CYB5R4: variants seen among roughly 807,000 people sequenced by gnomAD.
CYB5R4 encodes the protein cytochrome b5 reductase 4.
In CYB5R4, 55 loss-of-function variants were observed where a neutral mutation model predicts 70.2. That is an observed-to-expected ratio of 0.78 (90% CI 0.63 to 0.98). CYB5R4 has a LOEUF of 0.98. Among genes scored for constraint, CYB5R4 ranks in the 50% least tolerant of loss-of-function variants. The pLI is 0.00. For synonymous variants in CYB5R4, 197 were observed against 199.5 expected, an observed-to-expected ratio of 0.99 and a Z score of 0.11; for missense variants, 562 against 612.6, an observed-to-expected ratio of 0.92 and a Z score of 0.87.
chr6:83,891,924 C>A (rs1009744000), intron 2 of CYB5R4, among the ~76,000 whole-genome samples: 1 of 152,122 alleles, frequency 6.6e-6, no homozygotes, highest in Non-Finnish European at 1.5e-5. Context: ...ATTTCTTGTT[C>A]TTGAGAAACT....
At chr6:83,874,972 A>G (rs111825725) in intron 2 of CYB5R4, among the ~76,000 whole-genome samples, 3,672 of 151,750 alleles carry the variant, frequency 0.024, 144 homozygotes, top group African/African-American at 0.083. Flanking sequence ...ACAGGTGTGC[A>G]CCACCAAGCC....
At chr6:83,918,852 G>A (rs2099465912) in intron 6 of CYB5R4, among the ~76,000 whole-genome samples, 1 of 151,774 alleles carries the variant, frequency 6.6e-6, no homozygotes. Flanking sequence ...TTTAAGTTAG[G>A]GACTAAGGAT....
intron 4 of CYB5R4, among the ~76,000 whole-genome samples, chr6:83,912,056 CAAAA>C (rs34601186): frequency 1.5e-5 from 1 of 64,674 alleles, no homozygotes; most frequent in Non-Finnish European, 3.3e-5. Context: ...GGCCTTGTCT[CAAAA>C]AAAAAAAAAA....
intron 14 of CYB5R4, among the ~76,000 whole-genome samples, chr6:83,953,112 C>T (rs974363231): frequency 1.3e-5 from 2 of 152,024 alleles, no homozygotes; most frequent in Non-Finnish European, 1.5e-5. Flanking sequence ...ATGTGTTCCC[C>T]GGAATGGACT....
rs188422286 is a variant in CYB5R4, at chr6:83,944,200, C to G, written c.1346+3599C>G. On this transcript the variant is annotated intron_variant, in intron 14 of 15. Transcript: ENST00000369681. Reference sequence around the variant, plus strand: ...CAGCCAGAGAGGAAGGTCAGGTTACCCACAAAGGGAAGCCCATCAGACTAA... The same window carrying G: ...CAGCCAGAGAGGAAGGTCAGGTTACGCACAAAGGGAAGCCCATCAGACTAA... 8.3e-3 allele frequency among the ~76,000 whole-genome samples: 1,163 copies of G among 140,190 alleles called. 16 individuals carry two copies. The highest frequency in any genetic ancestry group is 0.035 in the African/African-American group (1,093 of 31,060). The allele number at this position is 140,190 out of a possible 152,430, so 92.0% of individuals were successfully genotyped here.
At chr6:83,945,304 C>T (rs191420934) in intron 14 of CYB5R4, among the ~76,000 whole-genome samples, 1 of 152,300 alleles carries the variant, frequency 6.6e-6, no homozygotes, top group African/African-American at 2.4e-5. Flanking sequence ...AACTGAACAA[C>T]CTGCTCTTGA....
intron 2 of CYB5R4, among the ~76,000 whole-genome samples, chr6:83,875,834 G>A (rs1211043220): frequency 6.6e-6 from 1 of 152,094 alleles, no homozygotes; most frequent in Non-Finnish European, 1.5e-5. Context: ...CAGATATCAG[G>A]ATATCTGGAT....
chr6:83,902,842 G>A (rs945340052), intron 3 of CYB5R4, among the ~76,000 whole-genome samples: 20 of 151,872 alleles, frequency 1.3e-4, no homozygotes, highest in Non-Finnish European at 2.5e-4. Context: ...TATTATTGGC[G>A]TATAGAAACA....
At chr6:83,921,222 A>C in intron 8 of CYB5R4, 47 bp downstream of exon 8, 1 of 1,384,378 alleles carries the variant, frequency 7.2e-7, no homozygotes, top group African/African-American at 1.5e-5. Context: ...GTTTTCTTTA[A>C]ATATGGCAAT....
At chr6:83,908,397 C>T (rs1282590814) in intron 3 of CYB5R4, among the ~76,000 whole-genome samples, 17 of 152,126 alleles carry the variant, frequency 1.1e-4, no homozygotes, top group Middle Eastern at 3.2e-3. Context: ...GCAAATCAAA[C>T]AATCACCTAA....
At chr6:83,945,507 A>G (rs1017997542) in intron 14 of CYB5R4, among the ~76,000 whole-genome samples, 8 of 152,174 alleles carry the variant, frequency 5.3e-5, no homozygotes, top group African/African-American at 1.9e-4. Context: ...TCACAATGAG[A>G]AGAACTAGAG....
At chr6:83,951,572 A>G (rs1330991415) in intron 14 of CYB5R4, among the ~76,000 whole-genome samples, 1 of 152,166 alleles carries the variant, frequency 6.6e-6, no homozygotes, top group East Asian at 1.9e-4. Context: ...GCTGAGAATG[A>G]TGGTTTCCAG....
intron 2 of CYB5R4, among the ~76,000 whole-genome samples, chr6:83,885,407 C>T (rs1417952080): frequency 6.6e-6 from 1 of 152,166 alleles, no homozygotes; most frequent in Non-Finnish European, 1.5e-5. Flanking sequence ...TTGAGACTCT[C>T]TGACTTTCAG....
intron 3 of CYB5R4, among the ~76,000 whole-genome samples, chr6:83,899,757 G>C (rs1242578860): frequency 6.6e-6 from 1 of 152,098 alleles, no homozygotes; most frequent in Admixed American, 6.6e-5. Context: ...TTGCATAGAG[G>C]TGTTTATAGT....
chr6:83,879,931 A>G (rs1229350700), intron 2 of CYB5R4, among the ~76,000 whole-genome samples: 1 of 152,012 alleles, frequency 6.6e-6, no homozygotes, highest in Non-Finnish European at 1.5e-5. Context: ...CATGTGGTTC[A>G]TCTCCTCAGA....
chr6:83,882,853 A>C (rs2099459675), intron 2 of CYB5R4, among the ~76,000 whole-genome samples: 1 of 152,084 alleles, frequency 6.6e-6, no homozygotes, highest in Non-Finnish European at 1.5e-5. Context: ...CCATGCCTAT[A>C]GTCTGAGCTA....
intron 12 of CYB5R4, among the ~76,000 whole-genome samples, chr6:83,938,927 C>T (rs1325780454): frequency 6.6e-6 from 1 of 151,794 alleles, no homozygotes; most frequent in Non-Finnish European, 1.5e-5. Context: ...CTCCGCCTCT[C>T]GGGTTCAAGC....
intron 14 of CYB5R4, among the ~76,000 whole-genome samples, chr6:83,945,741 TCAC>T (rs1422448807): frequency 6.6e-6 from 1 of 151,748 alleles, no homozygotes; most frequent in Non-Finnish European, 1.5e-5. Context: ...AAAGGGGAGA[TCAC>T]CACTGATCCC....
chr6:83,905,020 T>C (rs2099463540), intron 3 of CYB5R4, among the ~76,000 whole-genome samples: 1 of 151,892 alleles, frequency 6.6e-6, no homozygotes, highest in Non-Finnish European at 1.5e-5. Flanking sequence ...CAGTCACTTC[T>C]TTCCTTTTTT....
Sources: allele counts gnomAD v4.1 joint callset (sites outside exome capture counted in the v4.1 genomes callset), GRCh38; gene constraint gnomAD v4.1.1; transcripts MANE v1.5; gene names NCBI Gene and HGNC (gene_info 2026-07-23, HGNC 2026-07-21).